LRP1B: variants seen among roughly 807,000 people sequenced by gnomAD.
The protein encoded by LRP1B is low-density lipoprotein receptor-related protein 1B.
A neutral mutation model predicts 556.6 loss-of-function variants in LRP1B; 217 were observed. The observed-to-expected ratio is 0.39, with a 90% CI of 0.35 to 0.44. LRP1B has a LOEUF of 0.44. Ranked by LOEUF, LRP1B falls within the 20% of genes least tolerant of loss-of-function variation. LRP1B has a pLI of 1.00. For synonymous variants in LRP1B, 2,047 were observed against 1,865.8 expected (o/e 1.10, Z -2.50); for missense variants, 5,053 against 5,620.8 (o/e 0.90, Z 3.23).
intron 3 of LRP1B, among the ~76,000 whole-genome samples, chr2:141,273,864 T>C (rs1206496815): frequency 6.6e-6 from 1 of 152,212 alleles, no homozygotes; most frequent in Non-Finnish European, 1.5e-5. Context: ...ATAACTCTTA[T>C]AATTCAGTAA....
intron 43 of LRP1B, among the ~76,000 whole-genome samples, chr2:140,578,938 A>G (rs534444946): frequency 6.6e-6 from 1 of 152,180 alleles, no homozygotes; most frequent in South Asian, 2.1e-4. Context: ...GAGAGAAAGG[A>G]GGTAAATTTC....
intron 48 of LRP1B, 67 bp downstream of exon 48, chr2:140,526,170 C>A: frequency 6.8e-7 from 1 of 1,472,478 alleles, no homozygotes; most frequent in Non-Finnish European, 9.5e-7. Context: ...TAAAATCTTG[C>A]ACAGTGTTCA....
chr2:141,422,683 C>T (rs928477913), intron 3 of LRP1B, among the ~76,000 whole-genome samples: 2 of 152,122 alleles, frequency 1.3e-5, no homozygotes, highest in African/African-American at 4.8e-5. Context: ...TCAAACATGA[C>T]ATTTATGGCT....
At chr2:141,743,486 C>CTTTTTTTTTTTTTTTTT (rs765968445) in intron 2 of LRP1B, among the ~76,000 whole-genome samples, 4 of 108,026 alleles carry the variant, frequency 3.7e-5, no homozygotes, top group African/African-American at 3.9e-5. Flanking sequence ...CTGCTTTTTT[C>CTTTTTTTTTTTTTTTTT]TTTTTTTTTT....
chr2:141,811,378 A>C (rs924909726), intron 1 of LRP1B, among the ~76,000 whole-genome samples: 1 of 152,028 alleles, frequency 6.6e-6, no homozygotes, highest in African/African-American at 2.4e-5. Context: ...ATATCAAATA[A>C]AAATTCTAAG....
intron 66 of LRP1B, among the ~76,000 whole-genome samples, chr2:140,426,408 C>T (rs1182259192): frequency 6.6e-6 from 1 of 152,088 alleles, no homozygotes; most frequent in Non-Finnish European, 1.5e-5. Context: ...GCCTCTGAGC[C>T]CAAGCTAAGC....
At chr2:140,460,651 A>T (rs1687280595) in intron 60 of LRP1B, among the ~76,000 whole-genome samples, 1 of 152,188 alleles carries the variant, frequency 6.6e-6, no homozygotes, top group Admixed American at 6.5e-5. Flanking sequence ...GTAGACACAC[A>T]AAAAAGAATA....
intron 66 of LRP1B, among the ~76,000 whole-genome samples, chr2:140,387,791 T>A (rs1034164649): frequency 1.3e-5 from 2 of 152,168 alleles, no homozygotes; most frequent in African/African-American, 4.8e-5. Context: ...ATATGTTAGA[T>A]TGAATGGCCA....
At chr2:140,820,327 A>G (rs2105052527) in intron 31 of LRP1B, among the ~76,000 whole-genome samples, 1 of 152,312 alleles carries the variant, frequency 6.6e-6, no homozygotes, top group South Asian at 2.1e-4. Flanking sequence ...AGTTGAGTAT[A>G]CTGCCTTTAT....
chr2:141,808,674 C>T (rs1395321514), intron 2 of LRP1B, among the ~76,000 whole-genome samples: 1 of 152,044 alleles, frequency 6.6e-6, no homozygotes, highest in African/African-American at 2.4e-5. Flanking sequence ...TCATCATAAT[C>T]TAATTTAAGA....
chr2:141,722,626 C>T (rs181248917), intron 2 of LRP1B, among the ~76,000 whole-genome samples: 72 of 152,164 alleles, frequency 4.7e-4, no homozygotes, highest in African/African-American at 1.7e-3. Context: ...TCACCTGTCC[C>T]TCTCCCATTG....
chr2:141,294,110 A>C (rs539931035), intron 3 of LRP1B, among the ~76,000 whole-genome samples: 5 of 152,170 alleles, frequency 3.3e-5, no homozygotes, highest in Non-Finnish European at 7.4e-5. Flanking sequence ...AAACAGGTAA[A>C]GACCAAGGAA....
intron 18 of LRP1B, among the ~76,000 whole-genome samples, chr2:140,955,881 C>T (rs1220107737): frequency 1.3e-5 from 2 of 151,536 alleles, no homozygotes; most frequent in Non-Finnish European, 3.0e-5. Context: ...CTCCTCCTTG[C>T]CCCCCAAAAT....
At chr2:141,236,263 G>A (rs1378294614) in intron 5 of LRP1B, among the ~76,000 whole-genome samples, 1 of 152,180 alleles carries the variant, frequency 6.6e-6, no homozygotes, top group East Asian at 1.9e-4. Flanking sequence ...CTAGGTAATT[G>A]ACATATGCAT....
In LRP1B at chr2:140,525,947, T is replaced by C. The variant is rs1383836976; in HGVS notation, c.7923A>G (p.Thr2641=). The part of the protein sequence containing the change: ...THFYKLGVKT[T]GFIRCNSTSL... ...AGGTAGAATTACATCTTATGAACCC[T>C]GTGGTTTTCACTCCAAGCTTATAGA... The change falls in exon 49 of 91, where the codon ACA becomes ACG. Residue 2641 remains threonine (T), a synonymous_variant. Coordinates refer to ENST00000389484, the MANE Select transcript of LRP1B (RefSeq NM_018557.3). 2 of 1,612,408 alleles carry C rather than the reference T, an allele frequency of 1.2e-6. No individual in the cohort carries two copies. Among genetic ancestry groups the C allele is most frequent in the Non-Finnish European group, 8.5e-7 (1 of 1,178,904 alleles).
chr2:140,383,279 A>C (rs1683613398), intron 67 of LRP1B, among the ~76,000 whole-genome samples: 1 of 149,588 alleles, frequency 6.7e-6, no homozygotes, highest in African/African-American at 2.5e-5. Flanking sequence ...CTAATGTATT[A>C]GGACAGTGAT....
At chr2:140,984,680 T>A (rs1217829762) in intron 17 of LRP1B, among the ~76,000 whole-genome samples, 1 of 152,126 alleles carries the variant, frequency 6.6e-6, no homozygotes, top group Non-Finnish European at 1.5e-5. Flanking sequence ...TTGTGTTACC[T>A]CATTAACTCT....
intron 1 of LRP1B, among the ~76,000 whole-genome samples, chr2:142,076,806 T>C (rs1458719837): frequency 6.6e-6 from 1 of 152,052 alleles, no homozygotes; most frequent in African/African-American, 2.4e-5. Context: ...CCAAATGCAT[T>C]TCTAAAGACA....
At chr2:140,309,311 G>A (rs1374491462) in intron 83 of LRP1B, among the ~76,000 whole-genome samples, 1 of 151,728 alleles carries the variant, frequency 6.6e-6, no homozygotes. Context: ...TCAAATTATA[G>A]GTCACAATTT....
Sources: allele counts gnomAD v4.1 joint callset (sites outside exome capture counted in the v4.1 genomes callset), GRCh38; gene constraint gnomAD v4.1.1; transcripts MANE v1.5; gene names NCBI Gene and HGNC (gene_info 2026-07-23, HGNC 2026-07-21).